The following ADGRV1 variants were observed in gnomAD, a reference collection of about 807,000 sequenced individuals.
The protein encoded by ADGRV1 is G-protein coupled receptor 98.
A neutral mutation model predicts 596.2 loss-of-function variants in ADGRV1; 359 were observed. The observed-to-expected ratio is 0.60, with a 90% confidence interval of 0.55 to 0.66. The LOEUF (loss-of-function observed/expected upper bound fraction) is 0.66, where lower values mean the gene tolerates loss of function less well. ADGRV1 is among the 30% of genes least tolerant of loss of function. The probability of loss-of-function intolerance (pLI) is 0.00; values close to 1 mark genes in which losing one functional copy is unlikely to be tolerated. For missense variants in ADGRV1, 7,274 were observed against 7,575.6 expected, an observed-to-expected ratio of 0.96 and a Z score of 1.48; for synonymous variants, 2,681 against 2,679.2, an observed-to-expected ratio of 1.00 and a Z score of -0.02.
At chr5:90,727,870 C>A (rs962596718) in intron 48 of ADGRV1, among the ~76,000 whole-genome samples, 4 of 152,166 alleles carry the variant, frequency 2.6e-5, no homozygotes, top group African/African-American at 9.6e-5. Context: ...GTCTTAAGAA[C>A]TTTGTCATGT....
chr5:90,930,288 G>A (rs1366156689), intron 83 of ADGRV1, among the ~76,000 whole-genome samples: 2 of 152,106 alleles, frequency 1.3e-5, no homozygotes, highest in African/African-American at 2.4e-5. Context: ...AAATGAATAC[G>A]TTGCCAGAGG....
intron 87 of ADGRV1, among the ~76,000 whole-genome samples, chr5:91,113,804 A>G (rs1321067565): frequency 6.6e-6 from 1 of 152,100 alleles, no homozygotes; most frequent in Non-Finnish European, 1.5e-5. Context: ...CTTTAGTCCC[A>G]GCTACTCAGG....
At chr5:90,687,517 G>A (rs551534565) in intron 29 of ADGRV1, among the ~76,000 whole-genome samples, 27 of 152,170 alleles carry the variant, frequency 1.8e-4, no homozygotes, top group Admixed American at 9.2e-4. Flanking sequence ...CTCACCACTC[G>A]TATTCAACAT....
At chr5:91,114,502 C>T (rs943546585) in intron 87 of ADGRV1, among the ~76,000 whole-genome samples, 1 of 151,698 alleles carries the variant, frequency 6.6e-6, no homozygotes, top group Admixed American at 6.6e-5. Context: ...ACTCCAGCCT[C>T]GGCAACAGAG....
intron 87 of ADGRV1, among the ~76,000 whole-genome samples, chr5:91,127,486 T>A (rs74797851): frequency 1.4e-4 from 21 of 147,458 alleles, no homozygotes; most frequent in African/African-American, 4.8e-4. Context: ...TACAGTTAGC[T>A]CTGATCCTGC....
At chr5:90,972,846 A>G (rs1322740525) in intron 84 of ADGRV1, among the ~76,000 whole-genome samples, 2 of 152,198 alleles carry the variant, frequency 1.3e-5, no homozygotes, top group Non-Finnish European at 2.9e-5. Context: ...AGAAATAACT[A>G]AGATCAGAGC....
intron 83 of ADGRV1, among the ~76,000 whole-genome samples, chr5:90,935,317 T>C (rs1775583723): frequency 6.6e-6 from 1 of 152,226 alleles, no homozygotes; most frequent in Non-Finnish European, 1.5e-5. Flanking sequence ...CTTTTAAGCC[T>C]TTTTGATGTC....
intron 11 of ADGRV1, among the ~76,000 whole-genome samples, chr5:90,640,462 T>A (rs1766824663): frequency 1.3e-5 from 2 of 152,126 alleles, no homozygotes; most frequent in South Asian, 4.1e-4. Context: ...TACTAAGTAA[T>A]TATAAGCAGG....
intron 83 of ADGRV1, among the ~76,000 whole-genome samples, chr5:90,924,165 C>A (rs1262269425): frequency 6.6e-6 from 1 of 151,654 alleles, no homozygotes; most frequent in African/African-American, 2.4e-5. Flanking sequence ...ATGGCTGGGT[C>A]AAATGGTATT....
intron 83 of ADGRV1, among the ~76,000 whole-genome samples, chr5:90,884,353 A>T (rs1408070565): frequency 6.6e-6 from 1 of 152,106 alleles, no homozygotes; most frequent in Admixed American, 6.6e-5. Flanking sequence ...TATTCTTTTC[A>T]TCATTTTTTT....
intron 83 of ADGRV1, among the ~76,000 whole-genome samples, chr5:90,920,481 T>A (rs1773782455): frequency 6.6e-6 from 1 of 152,218 alleles, no homozygotes. Context: ...TTACTTTTCA[T>A]TATTTTACAT....
chr5:90,910,551 T>TATTATC (rs1554153579), intron 83 of ADGRV1, among the ~76,000 whole-genome samples: 4 of 147,112 alleles, frequency 2.7e-5, no homozygotes, highest in Non-Finnish European at 4.5e-5. Context: ...TATATATATA[T>TATTATC]TATCTATCTA....
chr5:90,821,459 G>A (rs1763492638), intron 75 of ADGRV1, among the ~76,000 whole-genome samples: 1 of 151,796 alleles, frequency 6.6e-6, no homozygotes, highest in East Asian at 1.9e-4. Context: ...TTGCTGGTGA[G>A]GAACTGCGTT....
At chr5:90,819,033 T>C (rs1377355831) in intron 75 of ADGRV1, among the ~76,000 whole-genome samples, 3 of 152,196 alleles carry the variant, frequency 2.0e-5, no homozygotes, top group Admixed American at 2.0e-4. Context: ...CGGCTGTGAA[T>C]CCATCTGGTC....
intron 83 of ADGRV1, among the ~76,000 whole-genome samples, chr5:90,909,291 C>T (rs1049498195): frequency 4.6e-5 from 7 of 152,192 alleles, no homozygotes; most frequent in African/African-American, 1.7e-4. Flanking sequence ...CTCCTGATTC[C>T]TGAGTCCTTG....
At chr5:91,115,250 C>G (rs2126716139) in intron 87 of ADGRV1, among the ~76,000 whole-genome samples, 1 of 152,284 alleles carries the variant, frequency 6.6e-6, no homozygotes, top group East Asian at 1.9e-4. Context: ...TGAGGTTAAT[C>G]TGATATACAC....
At chr5:90,595,624 A>C (rs1340566528) in intron 1 of ADGRV1, among the ~76,000 whole-genome samples, 16 of 88,098 alleles carry the variant, frequency 1.8e-4, no homozygotes, top group African/African-American at 2.5e-4. Context: ...TGACCCCCCC[A>C]CCTCCCTCCC....
intron 50 of ADGRV1, among the ~76,000 whole-genome samples, chr5:90,744,832 T>TG (rs746852908): frequency 4.6e-5 from 7 of 152,210 alleles, no homozygotes; most frequent in Non-Finnish European, 8.8e-5. Context: ...TAAATGGGTA[T>TG]GGAAACCTCA....
At chr5:90,927,626 A>G (rs1458648385) in intron 83 of ADGRV1, among the ~76,000 whole-genome samples, 1 of 151,936 alleles carries the variant, frequency 6.6e-6, no homozygotes, top group African/African-American at 2.4e-5. Context: ...CATTTAGTCC[A>G]TTTACATTTA....
Sources: allele counts gnomAD v4.1 joint callset (sites outside exome capture counted in the v4.1 genomes callset), GRCh38; gene constraint gnomAD v4.1.1; transcripts MANE v1.5; gene names NCBI Gene and HGNC (gene_info 2026-07-23, HGNC 2026-07-21).